The following PCDHA3 variants were observed in gnomAD, a reference collection of about 807,000 sequenced individuals.
PCDHA3 encodes protocadherin alpha-3.
In PCDHA3, 41 loss-of-function variants were observed where a neutral mutation model predicts 62.2. The observed-to-expected ratio is 0.66, with a 90% confidence interval of 0.51 to 0.86. The LOEUF is 0.86. Among genes scored for constraint, PCDHA3 ranks in the 40% least tolerant of loss-of-function variants. PCDHA3 has a pLI of 0.00. For synonymous variants in PCDHA3, 640 were observed against 555.4 expected (o/e 1.15, Z -2.14); for missense variants, 1,304 against 1,241.2 (o/e 1.05, Z -0.76).
intron 1 of PCDHA3, among the ~76,000 whole-genome samples, chr5:140,873,074 C>G (rs2054074747): frequency 6.6e-6 from 1 of 152,140 alleles, no homozygotes; most frequent in Non-Finnish European, 1.5e-5. Flanking sequence ...TCATATCTAG[C>G]TATTTCCCCC....
intron 3 of PCDHA3, among the ~76,000 whole-genome samples, chr5:141,009,291 T>G (rs115348370): frequency 2.9e-3 from 436 of 152,228 alleles, no homozygotes; most frequent in African/African-American, 9.9e-3. Flanking sequence ...CCCATTTCTA[T>G]AAAATTTTTT....
chr5:140,804,858 TA>T, intron 1 of PCDHA3: 1 of 538,794 alleles, frequency 1.9e-6, no homozygotes, highest in Non-Finnish European at 3.1e-6. Context: ...GTCTAACACG[TA>T]AAATAGATAT....
At chr5:140,846,481 T>A (rs1181531139) in intron 1 of PCDHA3, among the ~76,000 whole-genome samples, 1 of 146,696 alleles carries the variant, frequency 6.8e-6, no homozygotes, top group Non-Finnish European at 1.5e-5. Context: ...TTCAAATGAT[T>A]CTCCTTCCTC....
intron 1 of PCDHA3, chr5:140,836,314 G>A (rs2150257460): frequency 6.2e-6 from 10 of 1,613,658 alleles, no homozygotes; most frequent in East Asian, 2.2e-5. Context: ...GACGCACCGC[G>A]CCACCGCCTT....
chr5:140,854,993 C>T lies in PCDHA3; in HGVS notation c.2394+51402C>T, dbSNP rs781816835. Among the ~76,000 whole-genome samples, 37 of 149,404 alleles carry T rather than the reference C, an allele frequency of 2.5e-4. 3 individuals carry two copies. The highest frequency in any genetic ancestry group is 4.7e-4 in the Admixed American group (7 of 14,878). ...AATTATAATTAAGATTCTTTTTGCC[C>T]GTGTAAGATATTATAAAATGAAACT... is the stretch of plus-strand genomic sequence containing the variant. On this transcript the variant is annotated intron_variant, in intron 1 of 3. Coordinates refer to ENST00000522353, the MANE Select transcript of PCDHA3 (RefSeq NM_018906.3).
intron 1 of PCDHA3, among the ~76,000 whole-genome samples, chr5:140,871,854 A>C (rs1271399215): frequency 6.6e-6 from 1 of 152,254 alleles, no homozygotes; most frequent in African/African-American, 2.4e-5. Context: ...TATGACCATA[A>C]TAACTATGGA....
chr5:140,866,445 T>G (rs2049364254), intron 1 of PCDHA3: 1 of 152,140 alleles, frequency 6.6e-6, no homozygotes, highest in South Asian at 2.1e-4. Flanking sequence ...TCTTCAGTCT[T>G]ATTGTTGGCT....
At chr5:140,868,805 C>A in intron 1 of PCDHA3, 2 of 356,420 alleles carry the variant, frequency 5.6e-6, no homozygotes, top group Non-Finnish European at 5.0e-6. Context: ...TAAATAAGCA[C>A]GTTGGAAATA....
intron 1 of PCDHA3, chr5:140,883,340 C>T (rs2059560429): frequency 6.2e-7 from 1 of 1,614,140 alleles, no homozygotes; most frequent in Non-Finnish European, 8.5e-7. Flanking sequence ...TTTGTCACTC[C>T]CCATCAGAGA....
chr5:140,987,106 C>T (rs113308102), intron 3 of PCDHA3, among the ~76,000 whole-genome samples: 4,830 of 151,440 alleles, frequency 0.032, 263 homozygotes, highest in African/African-American at 0.11. Context: ...CCCAGCTACT[C>T]GGGAGGCTGA....
chr5:140,803,121 GC>G lies in PCDHA3; in HGVS notation c.1928del (p.Pro643ArgfsTer9), dbSNP rs1315934229. The G allele has an allele frequency of 6.2e-7, 1 of 1,613,644 alleles. No homozygotes were observed. The highest frequency in any genetic ancestry group is 1.3e-5 in the African/African-American group (1 of 74,938). Reference sequence around the variant, plus strand: ...GACCCGTGCCCTGGACGAGGTGGACGCCCCGCGCCATCGCCTACTGGTGCTG... The same window carrying G: ...GACCCGTGCCCTGGACGAGGTGGACGCCCGCGCCATCGCCTACTGGTGCTG... Reference protein sequence around the residue: ...STTRALDEVDAPRHRLLVLVK... With the variant: ...STTRALDEVDXPRHRLLVLVK... On this transcript the variant is annotated frameshift_variant, in exon 1 of 4. Transcript: ENST00000522353. LOFTEE classifies it high-confidence loss of function.
rs1554146072 is a variant in PCDHA3 at position 140,852,730 on chromosome 5, T to G, written c.2394+49139T>G. On this transcript the variant is annotated intron_variant, in intron 1 of 3. Coordinates refer to ENST00000522353, the MANE Select transcript of PCDHA3 (RefSeq NM_018906.3). ...TTTGTCTTTGCACGTTTTTCAAGTT[T>G]CATGTGCCATTTAAACTTGGACCCA... 29 of 983,856 alleles carry G rather than the reference T, an allele frequency of 2.9e-5. 3 individuals carry two copies. The highest frequency in any genetic ancestry group is 3.6e-5 in the Non-Finnish European group (29 of 816,252). The allele number at this position is 983,856 out of a possible 1,614,324, so 60.9% of individuals were successfully genotyped here.
chr5:140,967,503 G>A (rs369053625), intron 1 of PCDHA3: 14 of 1,612,820 alleles, frequency 8.7e-6, no homozygotes, highest in African/African-American at 2.7e-5. Flanking sequence ...ATCTCTGTGC[G>A]TGTCCTGGAC....
chr5:140,929,112 C>A, intron 1 of PCDHA3: 1 of 1,614,130 alleles, frequency 6.2e-7, no homozygotes, highest in South Asian at 1.1e-5. Flanking sequence ...TGACATCAGC[C>A]ACCATAGATG....
rs2150472537 is a variant in PCDHA3, at chr5:140,850,195, C to T, written c.2394+46604C>T. 8.8e-6 allele frequency: 14 copies of T among 1,593,610 alleles called. 2 individuals are homozygous for T. In the South Asian group the frequency reaches 1.5e-4, roughly 18 times the overall value. The stretch of plus-strand genomic sequence containing the variant: ...AACGACAATGCGCCGGCGCTGCTGA[C>T]ACCTCGGATGAGGGGCACTGACGGC... On this transcript the variant is annotated intron_variant, in intron 1 of 3. Transcript: ENST00000522353.
chr5:140,946,199 A>G (rs1300104764), intron 1 of PCDHA3, among the ~76,000 whole-genome samples: 10 of 151,964 alleles, frequency 6.6e-5, no homozygotes, highest in Admixed American at 5.2e-4. Context: ...CTCAAAAGAA[A>G]GCACACAAAT....
chr5:140,903,192 G>A (rs2070083529), intron 1 of PCDHA3, among the ~76,000 whole-genome samples: 1 of 152,160 alleles, frequency 6.6e-6, no homozygotes, highest in South Asian at 2.1e-4. Flanking sequence ...GTATAAAAGA[G>A]TGTCCTTTTC....
At chr5:140,826,181 T>C (rs2150142840) in intron 1 of PCDHA3, among the ~76,000 whole-genome samples, 1 of 152,354 alleles carries the variant, frequency 6.6e-6, no homozygotes, top group Admixed American at 6.5e-5. Context: ...ATTCTATAAA[T>C]CTAAAGTTAA....
intron 1 of PCDHA3, chr5:140,856,447 CG>C (rs782392908): frequency 2.5e-6 from 4 of 1,598,330 alleles, no homozygotes. Flanking sequence ...CCAGGTTCTC[CG>C]TAACAGAACA....
Sources: gnomAD v4.1 joint callset for allele counts (sites outside exome capture counted in the v4.1 genomes callset) on GRCh38, gnomAD v4.1.1 for gene constraint, MANE v1.5 for transcripts, NCBI Gene and HGNC (gene_info 2026-07-23, HGNC 2026-07-21) for gene names.